Variants in INPP5B observed in about 807,000 individuals in gnomAD.
The protein encoded by INPP5B is type II inositol 1,4,5-trisphosphate 5-phosphatase.
INPP5B carries 90 observed loss-of-function variants against 118.5 expected under a neutral mutation model. The observed-to-expected ratio is 0.76, with a 90% CI of 0.64 to 0.90. INPP5B has a LOEUF of 0.90. Among genes scored for constraint, INPP5B ranks in the 40% least tolerant of loss-of-function variants. The pLI is 0.00. For missense variants in INPP5B, 984 were observed against 1,125.6 expected (o/e 0.87, Z 1.80); for synonymous variants, 385 against 418.9 (o/e 0.92, Z 0.99).
At chr1:37,933,078 TG>T (rs2148668001) in intron 6 of INPP5B, among the ~76,000 whole-genome samples, 1 of 152,318 alleles carries the variant, frequency 6.6e-6, no homozygotes, top group East Asian at 1.9e-4. Context: ...ACATGATATA[TG>T]AGAAGACTTG....
rs1645879231 is a variant in INPP5B at position 37,940,726 on chromosome 1, G to A, written c.353C>T (p.Thr118Ile). 2 of 1,614,034 alleles carry A rather than the reference G, an allele frequency of 1.2e-6. No individual in the cohort carries two copies. Among genetic ancestry groups the A allele is most frequent in the Non-Finnish European group, 1.7e-6 (2 of 1,179,934 alleles). The change falls in exon 6 of 24, where the codon ACC (threonine) becomes ATC (isoleucine). Residue 118 changes from threonine (T) to isoleucine (I), a missense_variant. This residue lies in a region of INPP5B where 350 missense variants were observed against 334.6 expected (regional missense o/e 1.05). Transcript: ENST00000373024. ...LVFQLPFGSQTRMFLHEVARA... is the reference protein window; with the variant it reads ...LVFQLPFGSQIRMFLHEVARA... ...GGCAACTTCGTGGAGGAACATCCTG[G>A]TTTGTGAACCAAAGGGCAGTTGGAA...
chr1:37,938,394 A>C (rs184751840), intron 6 of INPP5B, among the ~76,000 whole-genome samples: 25 of 152,328 alleles, frequency 1.6e-4, no homozygotes, highest in Admixed American at 3.9e-4. Context: ...ACGCATGCCA[A>C]ATCAACAATG....
intron 7 of INPP5B, among the ~76,000 whole-genome samples, chr1:37,924,588 A>G (rs570437441): frequency 1.3e-5 from 2 of 152,270 alleles, no homozygotes; most frequent in African/African-American, 4.8e-5. Context: ...AAGACATAAG[A>G]GGAAAGTTGA....
intron 18 of INPP5B, among the ~76,000 whole-genome samples, chr1:37,873,704 T>G (rs1642614743): frequency 6.6e-6 from 1 of 152,216 alleles, no homozygotes; most frequent in South Asian, 2.1e-4. Context: ...TATAGCAAGA[T>G]AGTAAAATGG....
intron 7 of INPP5B, among the ~76,000 whole-genome samples, chr1:37,895,152 A>C (rs1294130279): frequency 6.6e-6 from 1 of 152,206 alleles, no homozygotes; most frequent in East Asian, 1.9e-4. Flanking sequence ...TGAAATTTAA[A>C]AAAAAGAAAA....
intron 7 of INPP5B, among the ~76,000 whole-genome samples, chr1:37,927,960 G>A (rs1156853687): frequency 1.3e-5 from 2 of 152,168 alleles, no homozygotes; most frequent in Admixed American, 6.5e-5. Flanking sequence ...CTCTATTAAT[G>A]CAAAGGCAAA....
Position 37,945,740 on chromosome 1 carries a change from C to A in INPP5B, c.152+16G>T, listed in dbSNP as rs1225948838. 6.2e-7 allele frequency: 1 copy of A among 1,603,410 alleles called. No individual in the cohort carries two copies. The highest frequency in any genetic ancestry group is 8.5e-7 in the Non-Finnish European group (1 of 1,171,058). On this transcript the variant is annotated intron_variant, in intron 3 of 23. Transcript: ENST00000373024. ...CCCCATGGCCCAGACAGGTGGGGACCAAGCCCCTCACTCACGCGTGTTCCT... is the reference window on the plus strand; with the variant it reads ...CCCCATGGCCCAGACAGGTGGGGACAAAGCCCCTCACTCACGCGTGTTCCT...
intron 6 of INPP5B, among the ~76,000 whole-genome samples, chr1:37,933,006 A>G (rs1056663920): frequency 1.3e-5 from 2 of 152,144 alleles, no homozygotes; most frequent in African/African-American, 2.4e-5. Flanking sequence ...CCCTCCTGCT[A>G]TCCCACCTGC....
chr1:37,888,138 G>T, intron 10 of INPP5B, 105 bp downstream of exon 10: 1 of 597,338 alleles, frequency 1.7e-6, no homozygotes. Flanking sequence ...CTGTTATCAG[G>T]CATCTGTTCA....
At chr1:37,875,338 G>A (rs973525265) in intron 17 of INPP5B, among the ~76,000 whole-genome samples, 4 of 151,980 alleles carry the variant, frequency 2.6e-5, no homozygotes, top group Non-Finnish European at 5.9e-5. Context: ...GCGCGATCTC[G>A]GCTCACTGCA....
At chr1:37,924,240 C>T (rs182922758) in intron 7 of INPP5B, among the ~76,000 whole-genome samples, 3 of 152,002 alleles carry the variant, frequency 2.0e-5, no homozygotes, top group African/African-American at 7.2e-5. Context: ...GTGATCTCGG[C>T]TCACTGCAAC....
chr1:37,872,924 A>T lies in INPP5B; in HGVS notation c.2187+6T>A. 1 of 1,602,594 alleles carries T rather than the reference A, an allele frequency of 6.2e-7. No homozygotes were observed. Among genetic ancestry groups the T allele is most frequent in the Non-Finnish European group, 8.5e-7 (1 of 1,169,952 alleles). On this transcript the variant is annotated splice_donor_region_variant and intron_variant, in intron 19 of 23. Transcript: ENST00000373024. ...TCTAGATGTTTCTTTGTGGCATATTACTCACCAGCTCACTAATGGTTTCAA... is the reference window on the plus strand; with the variant it reads ...TCTAGATGTTTCTTTGTGGCATATTTCTCACCAGCTCACTAATGGTTTCAA...
At chr1:37,925,901 C>CA (rs2148647584) in intron 7 of INPP5B, among the ~76,000 whole-genome samples, 1 of 152,278 alleles carries the variant, frequency 6.6e-6, no homozygotes, top group South Asian at 2.1e-4. Context: ...TTTAAGGAAA[C>CA]AAAGTGACTT....
chr1:37,878,930 G>A (rs150788669), intron 15 of INPP5B, among the ~76,000 whole-genome samples: 30,945 of 149,592 alleles, frequency 0.21, 4,046 homozygotes, highest in Non-Finnish European at 0.28. Context: ...GATTACAGGC[G>A]TGAGCCACCG....
At chr1:37,878,904 C>T (rs577632752) in intron 15 of INPP5B, among the ~76,000 whole-genome samples, 223 of 151,048 alleles carry the variant, frequency 1.5e-3, no homozygotes, top group Non-Finnish European at 2.8e-3. Flanking sequence ...CCCGCCTCGG[C>T]CTCCCAAAGT....
At chr1:37,917,087 G>C (rs373312149) in intron 7 of INPP5B, among the ~76,000 whole-genome samples, 4 of 149,734 alleles carry the variant, frequency 2.7e-5, no homozygotes, top group Non-Finnish European at 5.9e-5. Flanking sequence ...TCAGGAGTTC[G>C]AGACCAGCCT....
At chr1:37,904,475 A>G (rs1385737594) in intron 7 of INPP5B, among the ~76,000 whole-genome samples, 1 of 152,212 alleles carries the variant, frequency 6.6e-6, no homozygotes, top group African/African-American at 2.4e-5. Flanking sequence ...GTGTGAACAT[A>G]CTGGCTAAAG....
intron 10 of INPP5B, 118 bp from the exon 11 acceptor site, chr1:37,887,583 A>G: frequency 1.6e-6 from 1 of 614,514 alleles, no homozygotes; most frequent in Non-Finnish European, 2.9e-6. Flanking sequence ...GACCCTCAGG[A>G]GGAAAAAATA....
chr1:37,887,539 G>T, intron 10 of INPP5B, 74 bp from the exon 11 acceptor site: 1 of 857,124 alleles, frequency 1.2e-6, no homozygotes, highest in Non-Finnish European at 1.9e-6. Context: ...ATTGGTTTAG[G>T]TGCATAAGCC....
Sources: gnomAD v4.1 joint callset for allele counts (sites outside exome capture counted in the v4.1 genomes callset) on GRCh38, gnomAD v4.1.1 for gene constraint, gnomAD v4.1.1 regional missense constraint, MANE v1.5 for transcripts, NCBI Gene and HGNC (gene_info 2026-07-23, HGNC 2026-07-21) for gene names.